The following ARAP2 variants were observed in gnomAD, a reference collection of about 807,000 sequenced individuals.
ARAP2 encodes the protein ArfGAP with RhoGAP domain, ankyrin repeat and PH domain 2.
In ARAP2, 148 loss-of-function variants were observed where a neutral mutation model predicts 194.5. The ratio of observed to expected loss-of-function variants is 0.76; its 90% CI spans 0.67 to 0.87. ARAP2 has a LOEUF of 0.87. Ranked by LOEUF, ARAP2 falls within the 40% of genes least tolerant of loss-of-function variation. The pLI, the probability that ARAP2 is intolerant of heterozygous loss-of-function variation, is 0.00. For synonymous variants in ARAP2, 695 were observed against 683.5 expected (o/e 1.02, Z -0.26); for missense variants, 2,128 against 1,989.7 (o/e 1.07, Z -1.32).
At position 36,158,874 on chromosome 4, in the gene ARAP2, T is replaced by C; in HGVS notation, c.2618-10A>G. The C allele has an allele frequency of 6.3e-7, 1 of 1,577,754 alleles. No homozygotes were observed. The highest frequency in any genetic ancestry group is 8.6e-7 in the Non-Finnish European group (1 of 1,168,696). On this transcript the variant is annotated splice_polypyrimidine_tract_variant and intron_variant, in intron 14 of 32. Transcript: ENST00000303965. ...TCATGTTGAGGGAAATCTAGAAAAA[T>C]TAAAGAAATAAGGCACAAGAAATCT...
intron 5 of ARAP2, among the ~76,000 whole-genome samples, chr4:36,019,684 C>T (rs1164646315): frequency 6.6e-6 from 1 of 151,550 alleles, no homozygotes; most frequent in African/African-American, 2.4e-5. Flanking sequence ...GATCAAAGGG[C>T]CAATACAAAA....
chr4:36,197,059 C>T (rs1743262727), intron 6 of ARAP2, among the ~76,000 whole-genome samples: 1 of 151,492 alleles, frequency 6.6e-6, no homozygotes, highest in African/African-American at 2.4e-5. Flanking sequence ...TTTGTTTTGG[C>T]TTCGTATACC....
chr4:36,155,419 G>C (rs561359858), intron 15 of ARAP2, among the ~76,000 whole-genome samples: 1 of 152,246 alleles, frequency 6.6e-6, no homozygotes, highest in African/African-American at 2.4e-5. Flanking sequence ...ATTGATTCCT[G>C]AATAAGAAGA....
At chr4:36,147,134 T>C (rs1729815513) in intron 19 of ARAP2, among the ~76,000 whole-genome samples, 162 bp downstream of exon 19, 3 of 152,030 alleles carry the variant, frequency 2.0e-5, no homozygotes, top group Admixed American at 1.3e-4. Context: ...GGTATAGTCT[T>C]TCCAAAGAGA....
rs1213133169 is a variant in ARAP2 at position 36,202,179 on chromosome 4, T to G, written c.1487+8211A>C. ...CTACAATCTCCATACGTATTTATTT[T>G]TATTTATCTAATTACTCATTTTTAT... On this transcript the variant is annotated intron_variant, in intron 6 of 32. Coordinates refer to ENST00000303965, the MANE Select transcript of ARAP2 (RefSeq NM_015230.4). 2.0e-5 allele frequency among the ~76,000 whole-genome samples: 3 copies of G among 152,326 alleles called. No homozygotes were observed. In the East Asian group the frequency reaches 5.8e-4, roughly 29 times the overall value.
At position 36,090,058 on chromosome 4, in the gene ARAP2, GAA is replaced by G. The variant is rs951918561; in HGVS notation, c.4425+1821_4425+1822del. Among the ~76,000 whole-genome samples, 63 of 151,964 alleles carry G rather than the reference GAA, an allele frequency of 4.1e-4. 1 individual carries two copies. The highest frequency in any genetic ancestry group is 5.2e-4 in the Admixed American group (8 of 15,240). On this transcript the variant is annotated intron_variant, in intron 28 of 32. Coordinates refer to ENST00000303965, the MANE Select transcript of ARAP2 (RefSeq NM_015230.4). ...AGAGAATATTTGATAAACACAATCA[GAA>G]ACAATAAGGGGGATATTACTACTGA...
At chr4:36,030,380 T>C (rs903667591) in intron 5 of ARAP2, among the ~76,000 whole-genome samples, 3 of 152,154 alleles carry the variant, frequency 2.0e-5, no homozygotes, top group African/African-American at 7.2e-5. Context: ...TTTTAATGTC[T>C]TCAAGATGGC....
Position 36,066,627 on chromosome 4 carries a change from A to G in ARAP2, c.*1280T>C, listed in dbSNP as rs1417528145. On this transcript the variant is annotated 3_prime_UTR_variant, in exon 33 of 33. Coordinates refer to ENST00000303965, the MANE Select transcript of ARAP2 (RefSeq NM_015230.4). ...ATATCAAAACTCACCAGACAATCCA[A>G]TTTTAAAGAAACTGATGGAAAAATG... is the stretch of plus-strand genomic sequence containing the variant. The G allele has an allele frequency of 6.6e-6, 1 of 152,162 alleles. No individual in the cohort carries two copies. Among genetic ancestry groups the G allele is most frequent in the East Asian group, 1.9e-4 (1 of 5,202 alleles). The allele number at this position is 152,162 out of a possible 1,614,324, so 9.4% of individuals were successfully genotyped here.
chr4:36,092,376 G>A (rs535617940), intron 27 of ARAP2, among the ~76,000 whole-genome samples: 2 of 152,130 alleles, frequency 1.3e-5, no homozygotes, highest in Middle Eastern at 3.4e-3. Flanking sequence ...TTGGGAGGCC[G>A]AGGCGGGCGG....
intron 3 of ARAP2, 52 bp downstream of exon 3, chr4:36,214,370 A>T: frequency 6.8e-7 from 1 of 1,472,452 alleles, no homozygotes; most frequent in South Asian, 1.2e-5. Flanking sequence ...TAACACAGTT[A>T]AGACTATCAA....
chr4:36,134,639 T>C (rs1033837237), intron 19 of ARAP2, among the ~76,000 whole-genome samples: 5 of 151,592 alleles, frequency 3.3e-5, no homozygotes, highest in Non-Finnish European at 5.9e-5. Flanking sequence ...GTTTTCAAGA[T>C]AAAAAGTCTT....
chr4:36,082,967 C>T (rs1302206255), intron 29 of ARAP2, among the ~76,000 whole-genome samples: 1 of 152,040 alleles, frequency 6.6e-6, no homozygotes, highest in Non-Finnish European at 1.5e-5. Flanking sequence ...ATTGTAGAAG[C>T]CAAGCATCAG....
intron 5 of ARAP2, among the ~76,000 whole-genome samples, chr4:36,037,360 C>A (rs1720100088): frequency 6.6e-6 from 1 of 152,094 alleles, no homozygotes; most frequent in African/African-American, 2.4e-5. Flanking sequence ...TTGGCAGGAC[C>A]TGTACTTTGG....
intron 1 of ARAP2, among the ~76,000 whole-genome samples, chr4:36,241,025 T>G (rs1261538485): frequency 6.6e-6 from 1 of 152,214 alleles, no homozygotes; most frequent in Non-Finnish European, 1.5e-5. Context: ...ATCCAGATTT[T>G]AAGTTAATTC....
At chr4:36,214,069 C>T (rs1747375759) in intron 3 of ARAP2, among the ~76,000 whole-genome samples, 1 of 152,148 alleles carries the variant, frequency 6.6e-6, no homozygotes, top group Admixed American at 6.5e-5. Flanking sequence ...CAGCCCTTTC[C>T]AGTTACCATG....
chr4:36,054,705 C>T (rs1723210304), intron 2 of ARAP2, among the ~76,000 whole-genome samples: 1 of 152,112 alleles, frequency 6.6e-6, no homozygotes, highest in Non-Finnish European at 1.5e-5. Flanking sequence ...CACAAAATAA[C>T]ATTAAACAAA....
At chr4:36,187,812 G>A (rs1740910697) in intron 7 of ARAP2, among the ~76,000 whole-genome samples, 1 of 152,102 alleles carries the variant, frequency 6.6e-6, no homozygotes, top group South Asian at 2.1e-4. Flanking sequence ...GAATTAAAAG[G>A]GAAAGAATCA....
chr4:36,133,305 A>C lies in ARAP2; in HGVS notation c.3348T>G (p.Asn1116Lys). The C allele has an allele frequency of 6.2e-7, 1 of 1,611,470 alleles. No homozygotes were observed. The highest frequency in any genetic ancestry group is 1.1e-5 in the South Asian group (1 of 91,032). Residue 1116 changes from asparagine to lysine, a missense_variant, in exon 20 of 33, where the codon AAT becomes AAG. By Grantham distance (94) the Asn-to-Lys change is moderately conservative. Coordinates refer to ENST00000303965, the MANE Select transcript of ARAP2 (RefSeq NM_015230.4). ...TGCTGAGCTGCTGATCTTGTAAAGC[A>C]TTACCATCTGTACCTGCTGCTTTTT... ...AIEKAAGTDG[N>K]ALQDQQLSKN...
chr4:36,216,996 G>A (rs1408351894), intron 2 of ARAP2, among the ~76,000 whole-genome samples: 1 of 152,156 alleles, frequency 6.6e-6, no homozygotes, highest in Non-Finnish European at 1.5e-5. Context: ...TCATTGTGTG[G>A]TGCAGGACTG....
Sources: gnomAD v4.1 joint callset for allele counts (sites outside exome capture counted in the v4.1 genomes callset) on GRCh38, gnomAD v4.1.1 for gene constraint, MANE v1.5 for transcripts, NCBI Gene and HGNC (gene_info 2026-07-23, HGNC 2026-07-21) for gene names.